TRPM2: variants seen among roughly 807,000 people sequenced by gnomAD.
TRPM2 encodes the protein estrogen-responsive element-associated gene 1 protein.
Under a neutral mutation model 174.0 loss-of-function variants are expected in TRPM2, and 161 were observed. That is an observed-to-expected ratio of 0.93 (90% CI 0.81 to 1.05). The LOEUF (loss-of-function observed/expected upper bound fraction) is 1.05. Among genes scored for constraint, TRPM2 ranks in the 50% least tolerant of loss-of-function variants. The pLI is 0.00. For synonymous variants in TRPM2, 954 were observed against 861.3 expected (o/e 1.11, Z -1.88); for missense variants, 2,057 against 2,038.0 (o/e 1.01, Z -0.18).
At chr21:44,415,410 A>T (rs1484608707) in intron 20 of TRPM2, 1 of 152,274 alleles carries the variant, frequency 6.6e-6, no homozygotes, top group Non-Finnish European at 1.5e-5. Flanking sequence ...CGGAGAAGGA[A>T]TGTGACGGTG....
At chr21:44,353,934 C>A in intron 1 of TRPM2, 69 bp downstream of exon 1, 1 of 1,531,382 alleles carries the variant, frequency 6.5e-7, no homozygotes, top group East Asian at 2.6e-5. Context: ...CAGGTCATAG[C>A]TTGAGGCTGT....
At chr21:44,434,699 G>A (rs895350600) in intron 27 of TRPM2, among the ~76,000 whole-genome samples, 9 of 152,174 alleles carry the variant, frequency 5.9e-5, no homozygotes, top group African/African-American at 2.2e-4. Context: ...CCACACGGAC[G>A]CAGGGCCTCT....
Position 44,391,322 on chromosome 21 carries a change from T to A in TRPM2, c.1491T>A (p.Pro497=). The A allele has an allele frequency of 6.2e-7, 1 of 1,614,094 alleles. No individual in the cohort carries two copies. The highest frequency in any genetic ancestry group is 8.5e-7 in the Non-Finnish European group (1 of 1,180,016). The stretch of plus-strand genomic sequence containing the variant: ...CAGCTGCACTCATCTCCAACAAGCC[T>A]GAGTTTGTGAAGCTCTTCCTGGAGA... ...TMTAALISNK[P]EFVKLFLENG... is the part of the protein sequence containing the mutation. The change falls in exon 11 of 32, where the codon CCT becomes CCA. Residue 497 remains proline (P), a synonymous_variant. Transcript: ENST00000397928. The surrounding 1 kb of genome is among the most constrained non-coding windows in gnomAD (Gnocchi z 5.0).
In TRPM2 at chr21:44,401,675, C is replaced by A; in HGVS notation, c.2322-6C>A. ...CACTGTCTCCTCTCTGCTGTGACGG[C>A]CGCAGGGAGAAGAGGCTGCAGGATG... On this transcript the variant is annotated splice_polypyrimidine_tract_variant and splice_region_variant and intron_variant, in intron 15 of 31. Transcript: ENST00000397928. 6.2e-7 allele frequency: 1 copy of A among 1,611,808 alleles called. No homozygotes were observed. The highest frequency in any genetic ancestry group is 8.5e-7 in the Non-Finnish European group (1 of 1,179,830).
chr21:44,362,777 G>T (rs2048253544), intron 2 of TRPM2, among the ~76,000 whole-genome samples: 1 of 151,410 alleles, frequency 6.6e-6, no homozygotes, highest in Non-Finnish European at 1.5e-5. Context: ...TTTCTGAGGT[G>T]TTTTTTTTGT....
At chr21:44,370,002 G>C (rs952338809) in intron 5 of TRPM2, among the ~76,000 whole-genome samples, 5 of 147,692 alleles carry the variant, frequency 3.4e-5, no homozygotes, top group African/African-American at 1.3e-4. Context: ...CGGGTGCTGT[G>C]AGGAGCAGGT....
intron 8 of TRPM2, among the ~76,000 whole-genome samples, chr21:44,380,263 C>T (rs984543410): frequency 6.6e-6 from 1 of 152,152 alleles, no homozygotes; most frequent in Non-Finnish European, 1.5e-5. Flanking sequence ...CTTCTGAGAG[C>T]GTTTTTGTCC....
chr21:44,408,814 C>T (rs527311584), intron 19 of TRPM2, among the ~76,000 whole-genome samples: 9 of 151,914 alleles, frequency 5.9e-5, no homozygotes, highest in East Asian at 1.9e-4. Context: ...CACGCCACCA[C>T]GCCTGGCTAA....
In TRPM2 at chr21:44,395,613, G is replaced by C; in HGVS notation, c.1932+62G>C. ...CTATAGGCCAGCGGCCAGCTGGGGAGTGTGGCTGGAGAGAGTGGCTGGAGA... is the reference window on the plus strand; with the variant it reads ...CTATAGGCCAGCGGCCAGCTGGGGACTGTGGCTGGAGAGAGTGGCTGGAGA... On this transcript the variant is annotated intron_variant, in intron 12 of 31. Transcript: ENST00000397928. The C allele has an allele frequency of 1.2e-5, 20 of 1,602,482 alleles. 1 individual carries two copies. The South Asian group carries it at 2.2e-4, about 18-fold the overall frequency.
chr21:44,425,780 T>A lies in TRPM2; in HGVS notation c.3748T>A (p.Cys1250Ser), dbSNP rs759562994. 6.3e-7 allele frequency: 1 copy of A among 1,594,002 alleles called. No individual in the cohort carries two copies. Residue 1250 changes from cysteine to serine, a missense_variant, in exon 25 of 32, where the codon TGC becomes AGC. Physicochemically the swap from Cys to Ser is moderately radical, Grantham distance 112. Transcript: ENST00000397928. ...TGCCCGGCACCTCCTCTACCCCAAC[T>A]GCCCTGTCACGCGCTTCCCCGTGCC... ...VNARHLLYPN[C>S]PVTRFPVPNE... is the part of the protein sequence containing the mutation.
At chr21:44,364,965 C>CA (rs2048316918) in intron 3 of TRPM2, among the ~76,000 whole-genome samples, 1 of 152,240 alleles carries the variant, frequency 6.6e-6, no homozygotes, top group Non-Finnish European at 1.5e-5. Flanking sequence ...CAGCCCCTTG[C>CA]ATGTTGACCA....
intron 11 of TRPM2, among the ~76,000 whole-genome samples, chr21:44,392,022 T>C (rs1003147408): frequency 1.3e-5 from 2 of 152,294 alleles, no homozygotes; most frequent in East Asian, 1.9e-4. Context: ...TGGAGTGCAG[T>C]GGCGTGATCT....
chr21:44,359,136 C>T (rs1024713941), intron 2 of TRPM2, among the ~76,000 whole-genome samples: 1 of 152,248 alleles, frequency 6.6e-6, no homozygotes, highest in East Asian at 1.9e-4. Flanking sequence ...ACTGCTTGGT[C>T]CATTTTACAG....
At position 44,371,365 on chromosome 21, in the gene TRPM2, C is replaced by T. The variant is rs1197494149; in HGVS notation, c.771+2022C>T. On this transcript the variant is annotated intron_variant, in intron 5 of 31. Transcript: ENST00000397928. ...GCCGCCTCCCTCCAGTCTCTGCCTC[C>T]GTGTCCCGTGGCCGCCTCCCTCCAG... Among the ~76,000 whole-genome samples the T allele has an allele frequency of 1.1e-3, 101 of 94,758 alleles. 2 individuals carry two copies. The highest frequency in any genetic ancestry group is 4.3e-3 in the African/African-American group (92 of 21,352). 62.2% of individuals were successfully genotyped at this position (94,758 alleles called of 152,430 possible).
intron 27 of TRPM2, among the ~76,000 whole-genome samples, chr21:44,431,301 T>TA (rs2051013438): frequency 7.7e-6 from 1 of 129,440 alleles, no homozygotes; most frequent in African/African-American, 3.8e-5. Context: ...TGTTTTGCTC[T>TA]TTTTTTTTTT....
intron 15 of TRPM2, 55 bp from the exon 16 acceptor site, chr21:44,401,626 G>A: frequency 6.3e-7 from 1 of 1,582,672 alleles, no homozygotes. Flanking sequence ...AGCCTGTGGA[G>A]GTCAGGACCC....
intron 9 of TRPM2, among the ~76,000 whole-genome samples, chr21:44,385,276 TAAA>T (rs1225712785): frequency 6.6e-6 from 1 of 152,138 alleles, no homozygotes; most frequent in Non-Finnish European, 1.5e-5. Flanking sequence ...CTTGATGTAA[TAAA>T]AGCCATATAT....
In TRPM2 at chr21:44,399,505, T is replaced by C. The variant is rs1351174565; in HGVS notation, c.2208+64T>C. 1 of 1,549,374 alleles carries C rather than the reference T, an allele frequency of 6.5e-7. No homozygotes were observed. The highest frequency in any genetic ancestry group is 8.7e-7 in the Non-Finnish European group (1 of 1,147,162). On this transcript the variant is annotated intron_variant, in intron 14 of 31. Transcript: ENST00000397928. The surrounding 1 kb of genome is among the most constrained non-coding windows in gnomAD (Gnocchi z 4.6). ...TGGTGCCTGCAGGGCGGACACAGCCTCCTGTTCGTGCAGTTGGCACGCACA... is the reference window on the plus strand; with the variant it reads ...TGGTGCCTGCAGGGCGGACACAGCCCCCTGTTCGTGCAGTTGGCACGCACA...
chr21:44,371,545 C>T (rs983847619), intron 5 of TRPM2, among the ~76,000 whole-genome samples: 1 of 151,932 alleles, frequency 6.6e-6, no homozygotes, highest in Non-Finnish European at 1.5e-5. Flanking sequence ...TCTCTGCCTC[C>T]GTGTCCCGTG....
Sources: gnomAD v4.1 joint callset for allele counts (sites outside exome capture counted in the v4.1 genomes callset) on GRCh38, gnomAD v4.1.1 for gene constraint, Gnocchi (gnomAD v3.1) non-coding constraint, MANE v1.5 for transcripts, NCBI Gene and HGNC (gene_info 2026-07-23, HGNC 2026-07-21) for gene names.